RPL5: variants seen among roughly 807,000 people sequenced by gnomAD.
RPL5 encodes the protein ribosomal protein L5.
RPL5 carries 1 observed loss-of-function variant against 38.4 expected under a neutral mutation model. The observed-to-expected ratio is 0.03, with a 90% CI of 0.01 to 0.12. The LOEUF is 0.12. RPL5 is among the 10% of genes least tolerant of loss of function. RPL5 has a pLI of 1.00. For missense variants in RPL5, 243 were observed against 374.1 expected (o/e 0.65, Z 2.89); for synonymous variants, 109 against 121.2 (o/e 0.90, Z 0.66).
Position 92,837,528 on chromosome 1 carries a change from G to T in RPL5, c.600G>T (p.Met200Ile). The part of the protein sequence containing the change: ...FNAEVHRKHI[M>I]GQNVADYMRY... The stretch of plus-strand genomic sequence containing the variant: ...CAGAAGTACATCGGAAGCACATCAT[G>T]GGCCAGAATGTTGCAGATTACATGC... Residue 200 changes from methionine to isoleucine, a missense_variant, in exon 6 of 8, where the codon ATG becomes ATT. Transcript: ENST00000370321. 3 of 1,612,244 alleles carry T rather than the reference G, an allele frequency of 1.9e-6. No homozygotes were observed. Among genetic ancestry groups the T allele is most frequent in the Non-Finnish European group, 1.7e-6 (2 of 1,179,816 alleles).
At chr1:92,838,620 T>C (rs1687216346) in intron 6 of RPL5, among the ~76,000 whole-genome samples, 1 of 152,234 alleles carries the variant, frequency 6.6e-6, no homozygotes, top group Non-Finnish European at 1.5e-5. Context: ...TCCTCCTGTG[T>C]GCCTGCTGAA....
intron 4 of RPL5, 162 bp downstream of exon 4, chr1:92,835,075 T>C: frequency 9.8e-7 from 1 of 1,016,484 alleles, no homozygotes; most frequent in South Asian, 1.4e-5. Context: ...GTCAGCTCTT[T>C]CCAATAAAAT....
At chr1:92,835,822 A>G (rs1357681633) in intron 4 of RPL5, among the ~76,000 whole-genome samples, 35 of 152,200 alleles carry the variant, frequency 2.3e-4, no homozygotes, top group Non-Finnish European at 4.4e-5. Flanking sequence ...GGAATTGTTA[A>G]GCATGTGCAG....
At chr1:92,839,353 C>T (rs1687262493) in intron 6 of RPL5, among the ~76,000 whole-genome samples, 2 of 152,200 alleles carry the variant, frequency 1.3e-5, no homozygotes, top group Middle Eastern at 6.8e-3. Flanking sequence ...AGCGAGACTT[C>T]ATGTCAAAAA....
At chr1:92,841,723 C>A in intron 7 of RPL5, 43 bp from the exon 8 acceptor site, 1 of 1,268,592 alleles carries the variant, frequency 7.9e-7, no homozygotes, top group Non-Finnish European at 1.1e-6. Context: ...ATTCTATTCT[C>A]TTCAGTTATA....
At chr1:92,836,433 A>G (rs1376663754) in intron 5 of RPL5, 41 bp downstream of exon 5, 9 of 1,568,322 alleles carry the variant, frequency 5.7e-6, no homozygotes, top group Non-Finnish European at 7.9e-6. Flanking sequence ...GGACCGTGGT[A>G]CTTCCCTGTT....
chr1:92,840,836 C>A (rs1175054664), intron 7 of RPL5, 197 bp downstream of exon 7: 1 of 703,960 alleles, frequency 1.4e-6, no homozygotes, highest in African/African-American at 1.7e-5. Context: ...GTGGTTCTTT[C>A]TATCCTAGTA....
chr1:92,839,877 G>C (rs1004399354), intron 6 of RPL5, among the ~76,000 whole-genome samples: 2 of 151,350 alleles, frequency 1.3e-5, no homozygotes, highest in African/African-American at 2.4e-5. Flanking sequence ...ATCTTGTTCT[G>C]TTTCCTGGGC....
intron 4 of RPL5, chr1:92,835,433 A>G (rs1009251464): frequency 5.6e-5 from 10 of 177,344 alleles, no homozygotes; most frequent in Admixed American, 5.5e-4. Context: ...AGGGTGGATC[A>G]CTTGAGGTCA....
At chr1:92,837,882 A>T in intron 6 of RPL5, 1 of 514,308 alleles carries the variant, frequency 1.9e-6, no homozygotes, top group Non-Finnish European at 3.5e-6. Flanking sequence ...CATAGTTGTA[A>T]TCTGCTTTGT....
intron 1 of RPL5, chr1:92,832,989 T>G: frequency 1.4e-6 from 1 of 734,660 alleles, no homozygotes; most frequent in Non-Finnish European, 2.5e-6. Context: ...GATTGCTGTC[T>G]GGAGCAGTGC....
chr1:92,839,767 A>G (rs527275443), intron 6 of RPL5, among the ~76,000 whole-genome samples: 9 of 152,314 alleles, frequency 5.9e-5, no homozygotes, highest in African/African-American at 2.2e-4. Flanking sequence ...TTCTGCAGAC[A>G]AAAATTTGAT....
At position 92,832,051 on chromosome 1, in the gene RPL5, C is replaced by A; in HGVS notation, c.-64C>A. 1 of 1,609,858 alleles carries A rather than the reference C, an allele frequency of 6.2e-7. No individual in the cohort carries two copies. The highest frequency in any genetic ancestry group is 8.5e-7 in the Non-Finnish European group (1 of 1,178,354). ...GCAAGGGCTGTGGCCCTTTTCCCAC[C>A]CCCTAGCGCCGCTGGGCCTGCAGGT... On this transcript the variant is annotated 5_prime_UTR_variant, in exon 1 of 8. Transcript: ENST00000370321.
chr1:92,836,478 A>G (rs940726311), intron 5 of RPL5, 86 bp downstream of exon 5: 3 of 1,251,160 alleles, frequency 2.4e-6, no homozygotes, highest in Non-Finnish European at 3.5e-6. Context: ...AACCGAATTA[A>G]AGTAGCTATC....
At chr1:92,839,086 A>G (rs568348741) in intron 6 of RPL5, among the ~76,000 whole-genome samples, 6 of 141,884 alleles carry the variant, frequency 4.2e-5, no homozygotes, top group African/African-American at 1.6e-4. Context: ...CTGGCGGGGC[A>G]TGGTGGCTCA....
At chr1:92,832,691 G>A (rs758511102) in intron 1 of RPL5, 13 of 367,648 alleles carry the variant, frequency 3.5e-5, no homozygotes, top group Non-Finnish European at 5.4e-5. Context: ...CATGGAATAC[G>A]TGCCTCCTGC....
At chr1:92,841,613 A>G (rs890352196) in intron 7 of RPL5, among the ~76,000 whole-genome samples, 153 bp from the exon 8 acceptor site, 2 of 152,240 alleles carry the variant, frequency 1.3e-5, no homozygotes, top group African/African-American at 4.8e-5. Flanking sequence ...AAGATCATAC[A>G]TAAGTAAATG....
At position 92,841,825 on chromosome 1, in the gene RPL5, C is replaced by G; in HGVS notation, c.854C>G (p.Ala285Gly). The G allele has an allele frequency of 1.2e-6, 2 of 1,611,872 alleles. No homozygotes were observed. Among genetic ancestry groups the G allele is most frequent in the East Asian group, 2.2e-5 (1 of 44,854 alleles). Reference protein sequence around the residue: ...QKKDRVAQKKASFLRAQERAA... With the variant: ...QKKDRVAQKKGSFLRAQERAA... ...AAGGATCGGGTAGCTCAAAAGAAGG[C>G]AAGCTTCCTCAGAGCTCAGGAGCGG... Residue 285 changes from alanine (A) to glycine (G), a missense_variant, in exon 8 of 8, where the codon GCA (alanine) becomes GGA (glycine). Ala to Gly is a moderately conservative substitution (Grantham distance 60, BLOSUM62 0). Transcript: ENST00000370321.
At position 92,840,719 on chromosome 1, in the gene RPL5, G is replaced by A. The variant is rs142590488; in HGVS notation, c.794+80G>A. On this transcript the variant is annotated intron_variant, in intron 7 of 7. Coordinates refer to ENST00000370321, the MANE Select transcript of RPL5 (RefSeq NM_000969.5). Reference sequence around the variant, plus strand: ...CGTGGGGCAGACTGTTGGTGTAATTGTGCAAACTCGATCACTAGCTCTGCG... The same window carrying A: ...CGTGGGGCAGACTGTTGGTGTAATTATGCAAACTCGATCACTAGCTCTGCG... 3.9e-3 allele frequency: 3,999 copies of A among 1,022,024 alleles called. 74 individuals are homozygous for A. Among genetic ancestry groups the A allele is most frequent in the African/African-American group, 0.024 (1,541 of 63,812 alleles). 63.3% of individuals were successfully genotyped at this position (1,022,024 alleles called of 1,614,324 possible).
Sources: allele counts gnomAD v4.1 joint callset (sites outside exome capture counted in the v4.1 genomes callset), GRCh38; gene constraint gnomAD v4.1.1; transcripts MANE v1.5; gene names NCBI Gene and HGNC (gene_info 2026-07-23, HGNC 2026-07-21).